Variants in CHP1 observed in about 807,000 individuals in gnomAD.
The protein encoded by CHP1 is calcineurin like EF-hand protein 1.
CHP1 carries 11 observed loss-of-function variants against 27.4 expected under a neutral mutation model. The observed-to-expected ratio is 0.40, with a 90% CI of 0.25 to 0.67. The LOEUF is 0.67. Ranked by LOEUF, CHP1 falls within the 30% of genes least tolerant of loss-of-function variation. CHP1 has a pLI of 0.38. For synonymous variants in CHP1, 89 were observed against 87.4 expected (o/e 1.02, Z -0.10); for missense variants, 169 against 251.3 (o/e 0.67, Z 2.22).
intron 4 of CHP1, among the ~76,000 whole-genome samples, chr15:41,265,579 C>T (rs993302337): frequency 6.6e-5 from 10 of 150,910 alleles, no homozygotes; most frequent in Admixed American, 4.6e-4. Context: ...GGCGTGGTGG[C>T]GGGCGCCTGT....
chr15:41,245,396 G>T (rs866070689), intron 2 of CHP1, among the ~76,000 whole-genome samples: 18 of 152,320 alleles, frequency 1.2e-4, no homozygotes, highest in African/African-American at 4.1e-4. Flanking sequence ...CAGGAGAATT[G>T]CTTGAACTTG....
intron 4 of CHP1, chr15:41,264,028 T>C (rs968887678): frequency 2.7e-5 from 11 of 412,228 alleles, no homozygotes; most frequent in African/African-American, 2.3e-4. Flanking sequence ...GCAGGAGGGT[T>C]GATTCTGTTT....
At chr15:41,248,066 A>G (rs2047345448) in intron 2 of CHP1, among the ~76,000 whole-genome samples, 1 of 152,200 alleles carries the variant, frequency 6.6e-6, no homozygotes, top group Non-Finnish European at 1.5e-5. Flanking sequence ...GCCTGTGGAA[A>G]ACCAGCAGAC....
At chr15:41,239,112 C>CAATTTAGTG (rs2047293094) in intron 1 of CHP1, among the ~76,000 whole-genome samples, 2 of 152,130 alleles carry the variant, frequency 1.3e-5, no homozygotes, top group Admixed American at 6.6e-5. Flanking sequence ...TATTCTTTGT[C>CAATTTAGTG]ACAGTGAATT....
In CHP1 at chr15:41,231,364, A is replaced by G; in HGVS notation, c.-19A>G. 1 of 1,589,818 alleles carries G rather than the reference A, an allele frequency of 6.3e-7. No individual in the cohort carries two copies. Among genetic ancestry groups the G allele is most frequent in the African/African-American group, 1.3e-5 (1 of 74,678 alleles). On this transcript the variant is annotated 5_prime_UTR_variant, in exon 1 of 7. Coordinates refer to ENST00000334660, the MANE Select transcript of CHP1 (RefSeq NM_007236.5). ...TCTCTTCTGGCGCCGCTGCTCCCGGAGGAGCTCCCGGCACGGCGATGGGTT... is the reference window on the plus strand; with the variant it reads ...TCTCTTCTGGCGCCGCTGCTCCCGGGGGAGCTCCCGGCACGGCGATGGGTT...
At chr15:41,268,726 G>A (rs539134318) in intron 4 of CHP1, among the ~76,000 whole-genome samples, 10 of 150,242 alleles carry the variant, frequency 6.7e-5, no homozygotes, top group Non-Finnish European at 1.0e-4. Flanking sequence ...TAGATCATGC[G>A]GTTAGATCAT....
At chr15:41,274,348 G>T (rs2047508087) in intron 5 of CHP1, among the ~76,000 whole-genome samples, 1 of 152,212 alleles carries the variant, frequency 6.6e-6, no homozygotes, top group Non-Finnish European at 1.5e-5. Flanking sequence ...GATAGCTCAT[G>T]CCACTGGTTC....
At chr15:41,253,151 A>G (rs959865077) in intron 2 of CHP1, among the ~76,000 whole-genome samples, 1 of 150,950 alleles carries the variant, frequency 6.6e-6, no homozygotes, top group African/African-American at 2.4e-5. Context: ...GTTGGCCAGG[A>G]TGGTCTTGAT....
In CHP1 at chr15:41,279,429, C is replaced by T; in HGVS notation, c.*40C>T. 6.4e-7 allele frequency: 1 copy of T among 1,568,902 alleles called. No individual in the cohort carries two copies. Among genetic ancestry groups the T allele is most frequent in the Non-Finnish European group, 8.8e-7 (1 of 1,141,468 alleles). ...TTCCTTGCGGTCTAGTATTTAAGAA[C>T]TGGAACTTGAAAGTCCTCCTTCTAC... On this transcript the variant is annotated 3_prime_UTR_variant, in exon 7 of 7. Coordinates refer to ENST00000334660, the MANE Select transcript of CHP1 (RefSeq NM_007236.5).
chr15:41,236,019 G>C (rs2047275018), intron 1 of CHP1, among the ~76,000 whole-genome samples: 1 of 152,002 alleles, frequency 6.6e-6, no homozygotes, highest in Non-Finnish European at 1.5e-5. Context: ...TTGCCATAAA[G>C]GAGTAAGAAG....
chr15:41,240,466 A>G (rs992545228), intron 1 of CHP1, among the ~76,000 whole-genome samples: 1 of 152,202 alleles, frequency 6.6e-6, no homozygotes, highest in Non-Finnish European at 1.5e-5. Flanking sequence ...TAGATGATAT[A>G]TGAAGAGCTG....
Position 41,243,708 on chromosome 15 carries a change from A to C in CHP1, c.109A>C (p.Ser37Arg), listed in dbSNP as rs771703084. 1 of 1,614,112 alleles carries C rather than the reference A, an allele frequency of 6.2e-7. No homozygotes were observed. Among genetic ancestry groups the C allele is most frequent in the South Asian group, 1.1e-5 (1 of 91,074 alleles). ...QITRLYSRFT[S>R]LDKGENGTLS... ...CACTCGCCTCTACAGCCGGTTCACC[A>C]GCCTGGACAAAGGAGAGAATGGGAC... Residue 37 changes from serine to arginine, a missense_variant, in exon 2 of 7, where the codon AGC (serine) becomes CGC (arginine). Physicochemically the swap from Ser to Arg is moderately radical, Grantham distance 110. Transcript: ENST00000334660.
chr15:41,238,290 T>C (rs1409353326), intron 1 of CHP1, among the ~76,000 whole-genome samples: 1 of 151,916 alleles, frequency 6.6e-6, no homozygotes, highest in African/African-American at 2.4e-5. Flanking sequence ...CCTAAATAGC[T>C]CAGCGTACAG....
At chr15:41,258,845 T>C (rs1305039842) in intron 3 of CHP1, among the ~76,000 whole-genome samples, 1 of 152,180 alleles carries the variant, frequency 6.6e-6, no homozygotes, top group Non-Finnish European at 1.5e-5. Context: ...AGACTGTCAA[T>C]GAGGACACTG....
chr15:41,248,476 T>A (rs1353546297), intron 2 of CHP1, among the ~76,000 whole-genome samples: 1 of 152,142 alleles, frequency 6.6e-6, no homozygotes, highest in South Asian at 2.1e-4. Flanking sequence ...TTGTTGCCCA[T>A]GCTGGTCTCA....
chr15:41,263,245 C>T (rs186110243), intron 4 of CHP1, among the ~76,000 whole-genome samples: 2 of 152,266 alleles, frequency 1.3e-5, no homozygotes, highest in Non-Finnish European at 2.9e-5. Context: ...ATTCATTGAG[C>T]ACCTACCGTG....
rs2047403840 is a variant in CHP1, at chr15:41,257,004, G to C, written c.221+14G>C. On this transcript the variant is annotated intron_variant, in intron 3 of 6. Coordinates refer to ENST00000334660, the MANE Select transcript of CHP1 (RefSeq NM_007236.5). ...CTTTCCAGAGGGGTGAGTCAGTACAGTTGTTGGACTTCCTTCCTGAGGCTA... is the reference window on the plus strand; with the variant it reads ...CTTTCCAGAGGGGTGAGTCAGTACACTTGTTGGACTTCCTTCCTGAGGCTA... 6.2e-7 allele frequency: 1 copy of C among 1,601,284 alleles called. No individual in the cohort carries two copies. Among genetic ancestry groups the C allele is most frequent in the Non-Finnish European group, 8.6e-7 (1 of 1,169,496 alleles).
At chr15:41,274,883 C>T (rs1351541156) in intron 5 of CHP1, among the ~76,000 whole-genome samples, 1 of 150,810 alleles carries the variant, frequency 6.6e-6, no homozygotes, top group Non-Finnish European at 1.5e-5. Flanking sequence ...CTCCACCTCC[C>T]GGGTTCAAGT....
intron 1 of CHP1, among the ~76,000 whole-genome samples, chr15:41,239,658 A>G (rs998263069): frequency 1.3e-5 from 2 of 151,992 alleles, no homozygotes; most frequent in African/African-American, 4.8e-5. Flanking sequence ...CAGCCCCCCA[A>G]AGTGCTGGTA....
Sources: allele counts gnomAD v4.1 joint callset (sites outside exome capture counted in the v4.1 genomes callset), GRCh38; gene constraint gnomAD v4.1.1; transcripts MANE v1.5; gene names NCBI Gene and HGNC (gene_info 2026-07-23, HGNC 2026-07-21).